Variants in NEGR1 observed in about 807,000 individuals in gnomAD.
The protein encoded by NEGR1 is neuronal growth regulator 1.
In NEGR1, 10 loss-of-function variants were observed where a neutral mutation model predicts 40.9. The ratio of observed to expected loss-of-function variants is 0.24; its 90% CI spans 0.15 to 0.42. The LOEUF is 0.42. Among genes scored for constraint, NEGR1 ranks in the 10% least tolerant of loss-of-function variants. NEGR1 has a pLI of 1.00. For synonymous variants in NEGR1, 185 were observed against 166.8 expected (o/e 1.11, Z -0.84); for missense variants, 352 against 438.9 (o/e 0.80, Z 1.77).
At chr1:72,160,601 ATTTCCAAT>A (rs1651521303) in intron 1 of NEGR1, among the ~76,000 whole-genome samples, 1 of 152,142 alleles carries the variant, frequency 6.6e-6, no homozygotes, top group South Asian at 2.1e-4. Context: ...AATAATTCTA[ATTTCCAAT>A]ACTATATACA....
At chr1:71,767,872 C>T (rs1656186104) in intron 3 of NEGR1, among the ~76,000 whole-genome samples, 1 of 152,190 alleles carries the variant, frequency 6.6e-6, no homozygotes, top group Non-Finnish European at 1.5e-5. Context: ...AGACATGGCT[C>T]AAAGGGGCCC....
chr1:71,922,706 C>G (rs1000287785), intron 2 of NEGR1, among the ~76,000 whole-genome samples: 2 of 152,154 alleles, frequency 1.3e-5, no homozygotes, highest in Admixed American at 6.5e-5. Context: ...ACACTATTAG[C>G]ACTTTGGAAA....
chr1:71,691,157 C>G (rs1037021120), intron 4 of NEGR1, among the ~76,000 whole-genome samples: 5 of 151,854 alleles, frequency 3.3e-5, no homozygotes, highest in Non-Finnish European at 7.4e-5. Flanking sequence ...ATTAATTGAA[C>G]TGTATGTCTA....
intron 6 of NEGR1, among the ~76,000 whole-genome samples, chr1:71,577,919 T>C (rs1206158605): frequency 1.3e-5 from 2 of 152,126 alleles, no homozygotes; most frequent in East Asian, 3.8e-4. Flanking sequence ...CTATTTTTTT[T>C]CCCAGTACTG....
chr1:71,877,528 A>G (rs1322642866), intron 2 of NEGR1, among the ~76,000 whole-genome samples: 1 of 152,122 alleles, frequency 6.6e-6, no homozygotes, highest in East Asian at 1.9e-4. Flanking sequence ...CACCAGTCTT[A>G]CTGGACTATG....
intron 6 of NEGR1, among the ~76,000 whole-genome samples, chr1:71,432,280 T>C (rs1646474808): frequency 6.6e-6 from 1 of 152,192 alleles, no homozygotes; most frequent in Non-Finnish European, 1.5e-5. Context: ...AGAGCATGTA[T>C]ATTAGCAATT....
chr1:72,277,546 A>C (rs2100567556), intron 1 of NEGR1, among the ~76,000 whole-genome samples: 1 of 152,296 alleles, frequency 6.6e-6, no homozygotes, highest in East Asian at 1.9e-4. Flanking sequence ...ATAGTTGTGT[A>C]CTAATGTATC....
chr1:71,549,422 G>A (rs1205380429), intron 6 of NEGR1, among the ~76,000 whole-genome samples: 1 of 151,664 alleles, frequency 6.6e-6, no homozygotes, highest in African/African-American at 2.4e-5. Flanking sequence ...GAAGCCCCAC[G>A]ATCAAAATTG....
chr1:71,508,924 G>T (rs1172511536), intron 6 of NEGR1, among the ~76,000 whole-genome samples: 1 of 152,160 alleles, frequency 6.6e-6, no homozygotes, highest in Non-Finnish European at 1.5e-5. Context: ...GACATCACAG[G>T]GGAAGACCCC....
At chr1:71,808,038 T>A (rs192634532) in intron 2 of NEGR1, among the ~76,000 whole-genome samples, 1 of 152,234 alleles carries the variant, frequency 6.6e-6, no homozygotes, top group Non-Finnish European at 1.5e-5. Context: ...AATAAATAAC[T>A]GAAATGAGAG....
chr1:71,926,259 A>G (rs551335550), intron 2 of NEGR1, among the ~76,000 whole-genome samples: 13 of 152,196 alleles, frequency 8.5e-5, no homozygotes, highest in African/African-American at 3.1e-4. Flanking sequence ...AATGAATAAT[A>G]TATAATATTC....
intron 1 of NEGR1, among the ~76,000 whole-genome samples, chr1:72,003,665 T>G (rs1348111790): frequency 6.6e-6 from 1 of 152,130 alleles, no homozygotes; most frequent in East Asian, 1.9e-4. Flanking sequence ...ACTTTCCTTA[T>G]CATGTTGAGC....
chr1:72,044,964 G>A (rs935512116), intron 1 of NEGR1, among the ~76,000 whole-genome samples: 4 of 151,786 alleles, frequency 2.6e-5, no homozygotes, highest in African/African-American at 7.3e-5. Context: ...ATCAGAAACA[G>A]ATTTTGTAGA....
intron 4 of NEGR1, among the ~76,000 whole-genome samples, chr1:71,664,924 A>T (rs1652190061): frequency 6.6e-6 from 1 of 152,178 alleles, no homozygotes; most frequent in African/African-American, 2.4e-5. Context: ...AAGAAGGTAT[A>T]AACATACATT....
At chr1:71,583,798 G>T (rs1205057637) in intron 6 of NEGR1, among the ~76,000 whole-genome samples, 1 of 152,134 alleles carries the variant, frequency 6.6e-6, no homozygotes, top group African/African-American at 2.4e-5. Flanking sequence ...CATTCTAAGT[G>T]GACTGATTAG....
chr1:71,800,061 C>G (rs1657499385), intron 2 of NEGR1, among the ~76,000 whole-genome samples: 1 of 152,088 alleles, frequency 6.6e-6, no homozygotes, highest in South Asian at 2.1e-4. Context: ...GAGATGGTAC[C>G]CCATTGTGGT....
chr1:71,785,687 C>T (rs1656885869), intron 2 of NEGR1, among the ~76,000 whole-genome samples: 1 of 152,152 alleles, frequency 6.6e-6, no homozygotes, highest in African/African-American at 2.4e-5. Flanking sequence ...GAACTATTTT[C>T]CCTATAAACC....
chr1:71,873,471 C>T (rs891588934), intron 2 of NEGR1, among the ~76,000 whole-genome samples: 19 of 151,870 alleles, frequency 1.3e-4, no homozygotes, highest in African/African-American at 4.6e-4. Flanking sequence ...TGACCCTGGA[C>T]CAGTTAATGT....
chr1:71,657,030 A>G (rs1232742581), intron 4 of NEGR1, among the ~76,000 whole-genome samples: 1 of 152,204 alleles, frequency 6.6e-6, no homozygotes, highest in Non-Finnish European at 1.5e-5. Context: ...CACATGGAAT[A>G]AAGAAAGATG....
Sources: allele counts gnomAD v4.1 joint callset (sites outside exome capture counted in the v4.1 genomes callset), GRCh38; gene constraint gnomAD v4.1.1; transcripts MANE v1.5; gene names NCBI Gene and HGNC (gene_info 2026-07-23, HGNC 2026-07-21).